SCGB2A2: variants seen among roughly 807,000 people sequenced by gnomAD.
SCGB2A2 encodes the protein secretoglobin family 2A member 2, also known as mammaglobin-A.
Under a neutral mutation model 8.8 loss-of-function variants are expected in SCGB2A2, and 11 were observed. The observed-to-expected ratio is 1.25, with a 90% CI of 0.79 to 2.07. The LOEUF (loss-of-function observed/expected upper bound fraction) is 2.07, where lower values mean the gene tolerates loss of function less well. SCGB2A2 is among the 30% of genes most tolerant of loss of function. The probability of loss-of-function intolerance (pLI) is 0.00; values close to 1 mark genes in which losing one functional copy is unlikely to be tolerated. For missense variants in SCGB2A2, 113 were observed against 109.9 expected, an observed-to-expected ratio of 1.03 and a Z score of -0.13; for synonymous variants, 42 against 40.9, an observed-to-expected ratio of 1.03 and a Z score of -0.10.
At chr11:62,271,442 A>T in intron 2 of SCGB2A2, 2 of 1,374,112 alleles carry the variant, frequency 1.5e-6, no homozygotes, top group Non-Finnish European at 1.9e-6. Context: ...CACAGTCACA[A>T]TCACACAAAC....
chr11:62,271,444 C>A, intron 2 of SCGB2A2: 1 of 1,364,178 alleles, frequency 7.3e-7, no homozygotes, highest in South Asian at 1.8e-5. Context: ...CAGTCACAAT[C>A]ACACAAACAC....
rs137975337 is a variant in SCGB2A2 at position 62,270,267 on chromosome 11, C to T, written c.51C>T (p.Tyr17=). ...TGGCGGCCCTCTCCCAGCACTGCTA[C>T]GCAGGTGAGTTCTGTGCAGGGAGGG... ...LMLAALSQHC[Y]AGSGCPLLEN... is the part of the protein sequence containing the mutation. The change falls in exon 1 of 3, where the codon TAC becomes TAT. Residue 17 remains tyrosine, a synonymous_variant. Transcript: ENST00000227918. The T allele has an allele frequency of 3.5e-5, 56 of 1,613,754 alleles. No homozygotes were observed. The highest frequency in any genetic ancestry group is 2.1e-4 in the African/African-American group (16 of 74,938).
chr11:62,272,877 G>A, intron 2 of SCGB2A2, 80 bp from the exon 3 acceptor site: 1 of 1,092,092 alleles, frequency 9.2e-7, no homozygotes, highest in Non-Finnish European at 1.4e-6. Context: ...CGTGGAAAAA[G>A]ATAAGCTTCT....
intron 1 of SCGB2A2, 79 bp downstream of exon 1, chr11:62,270,350 A>T (rs373150939): frequency 6.9e-6 from 9 of 1,298,880 alleles, no homozygotes; most frequent in Non-Finnish European, 8.9e-6. Flanking sequence ...CTGCTCCCCA[A>T]TTCTCAGCAG....
chr11:62,272,647 C>CTTTTT (rs71886885), intron 2 of SCGB2A2, among the ~76,000 whole-genome samples: 11 of 94,444 alleles, frequency 1.2e-4, no homozygotes, highest in East Asian at 3.3e-4. Flanking sequence ...CAAAGTTTCA[C>CTTTTT]TTTTTTTTTT....
chr11:62,271,252 T>C, intron 2 of SCGB2A2, 184 bp downstream of exon 2: 1 of 1,487,048 alleles, frequency 6.7e-7, no homozygotes, highest in Non-Finnish European at 8.9e-7. Context: ...CCCTGTGTTG[T>C]CACTCTACCC....
chr11:62,270,171 T>G lies in SCGB2A2; in HGVS notation c.-46T>G. The G allele has an allele frequency of 6.2e-7, 1 of 1,604,044 alleles. No individual in the cohort carries two copies. The highest frequency in any genetic ancestry group is 8.5e-7 in the Non-Finnish European group (1 of 1,171,280). ...GTGCTCACCTCCACAGCGGCTTCCT[T>G]GATCCTTGCCACCCGCGACTGAACA... is the stretch of plus-strand genomic sequence containing the variant. On this transcript the variant is annotated 5_prime_UTR_variant, in exon 1 of 3. Coordinates refer to ENST00000227918, the MANE Select transcript of SCGB2A2 (RefSeq NM_002411.4).
At chr11:62,272,647 C>CTTTTTTTTTTT (rs71886885) in intron 2 of SCGB2A2, among the ~76,000 whole-genome samples, 1 of 94,456 alleles carries the variant, frequency 1.1e-5, no homozygotes, top group Non-Finnish European at 2.0e-5. Context: ...CAAAGTTTCA[C>CTTTTTTTTTTT]TTTTTTTTTT....
rs577425383 is a variant in SCGB2A2, at chr11:62,271,686, C to A, written c.243+618C>A. On this transcript the variant is annotated intron_variant, in intron 2 of 2. Transcript: ENST00000227918. ...TTCCAGAAGACCCGCACCTATAGACCAATCTGCAGAGAAAACTTCTCTTCT... is the reference window on the plus strand; with the variant it reads ...TTCCAGAAGACCCGCACCTATAGACAAATCTGCAGAGAAAACTTCTCTTCT... 5.1e-6 allele frequency: 5 copies of A among 987,342 alleles called. No homozygotes were observed. The South Asian group carries it at 2.3e-4, about 46-fold the overall frequency. 61.2% of individuals were successfully genotyped at this position (987,342 alleles called of 1,614,324 possible).
At chr11:62,270,493 C>T (rs886407885) in intron 1 of SCGB2A2, among the ~76,000 whole-genome samples, 2 of 152,190 alleles carry the variant, frequency 1.3e-5, no homozygotes, top group African/African-American at 4.8e-5. Flanking sequence ...GTGTGAGCCA[C>T]CACACTTGGC....
intron 2 of SCGB2A2, among the ~76,000 whole-genome samples, chr11:62,272,661 T>C (rs998914429): frequency 6.6e-6 from 1 of 150,774 alleles, no homozygotes; most frequent in African/African-American, 2.4e-5. Flanking sequence ...TTTTTTTTTT[T>C]TTTTTTTTGC....
Position 62,271,170 on chromosome 11 carries a change from CT to C in SCGB2A2, c.243+106del, listed in dbSNP as rs780855305. 3 of 1,601,556 alleles carry C rather than the reference CT, an allele frequency of 1.9e-6. No individual in the cohort carries two copies. In the Admixed American group the frequency reaches 5.1e-5, roughly 27 times the overall value. ...ATGCCAAAGCCACTAGTGAACAAGCCTTTTCTTACATTGGTTAATTTAGTTG... is the reference window on the plus strand; with the variant it reads ...ATGCCAAAGCCACTAGTGAACAAGCCTTTCTTACATTGGTTAATTTAGTTG... On this transcript the variant is annotated intron_variant, in intron 2 of 2. Coordinates refer to ENST00000227918, the MANE Select transcript of SCGB2A2 (RefSeq NM_002411.4).
At chr11:62,271,546 C>T (rs962657352) in intron 2 of SCGB2A2, 2 of 1,108,806 alleles carry the variant, frequency 1.8e-6, no homozygotes, top group Non-Finnish European at 2.2e-6. Flanking sequence ...ATCATCCAGA[C>T]ACAAACACAA....
At chr11:62,271,866 C>T (rs1945281684) in intron 2 of SCGB2A2, 1 of 985,032 alleles carries the variant, frequency 1.0e-6, no homozygotes, top group South Asian at 4.7e-5. Context: ...TGATGAGAAA[C>T]CTTGGACTAT....
rs763650166 is a variant in SCGB2A2 at position 62,270,210 on chromosome 11, C to T, written c.-7C>T. On this transcript the variant is annotated 5_prime_UTR_variant, in exon 1 of 3. Coordinates refer to ENST00000227918, the MANE Select transcript of SCGB2A2 (RefSeq NM_002411.4). The stretch of plus-strand genomic sequence containing the variant: ...CGCGACTGAACACCGACAGCAGCAG[C>T]CTCACCATGAAGTTGCTGATGGTCC... The T allele has an allele frequency of 1.2e-6, 2 of 1,613,932 alleles. No homozygotes were observed. The highest frequency in any genetic ancestry group is 1.7e-6 in the Non-Finnish European group (2 of 1,179,902).
rs1742320189 is a variant in SCGB2A2 at position 62,270,305 on chromosome 11, T to TA, written c.55+35dup. Reference sequence around the variant, plus strand: ...TGTGCAGGGAGGGCTGCCTCGGGGTTAGGGGTTGTCACTTGGGCCTCTATG... The same window carrying TA: ...TGTGCAGGGAGGGCTGCCTCGGGGTTAAGGGGTTGTCACTTGGGCCTCTATG... On this transcript the variant is annotated intron_variant, in intron 1 of 2. Transcript: ENST00000227918. 4.4e-6 allele frequency: 7 copies of TA among 1,606,584 alleles called. No homozygotes were observed. In the East Asian group the frequency reaches 1.6e-4, roughly 36 times the overall value.
In SCGB2A2 at chr11:62,270,924, C is replaced by A. The variant is rs758537527; in HGVS notation, c.99C>A (p.Ile33=). The stretch of plus-strand genomic sequence containing the variant: ...TGGAGAATGTGATTTCCAAGACAAT[C>A]AATCCACAAGTGTCTAAGACTGAAT... ...PLLENVISKT[I]NPQVSKTEYK... The change falls in exon 2 of 3, where the codon ATC becomes ATA. Residue 33 remains isoleucine, a synonymous_variant. Transcript: ENST00000227918. 17 of 1,614,018 alleles carry A rather than the reference C, an allele frequency of 1.1e-5. No homozygotes were observed. In the South Asian group the frequency reaches 1.6e-4, roughly 16 times the overall value.
chr11:62,271,824 A>C, intron 2 of SCGB2A2: 1 of 984,916 alleles, frequency 1.0e-6, no homozygotes, highest in South Asian at 4.7e-5. Context: ...TTTAAAATGC[A>C]CTTCCAGGCA....
intron 2 of SCGB2A2, chr11:62,271,796 C>T: frequency 2.0e-6 from 2 of 984,008 alleles, no homozygotes; most frequent in Non-Finnish European, 2.4e-6. Context: ...AGATTCTATA[C>T]ATCTCAAATA....
Sources: gnomAD v4.1 joint callset for allele counts (sites outside exome capture counted in the v4.1 genomes callset) on GRCh38, gnomAD v4.1.1 for gene constraint, MANE v1.5 for transcripts, NCBI Gene and HGNC (gene_info 2026-07-23, HGNC 2026-07-21) for gene names.